Variants in ARHGAP42 observed in about 807,000 individuals in gnomAD.
ARHGAP42 encodes the protein rho GTPase-activating protein 42.
In ARHGAP42, 63 loss-of-function variants were observed where a neutral mutation model predicts 125.0. That is an observed-to-expected ratio of 0.50 (90% CI 0.41 to 0.62). The LOEUF (loss-of-function observed/expected upper bound fraction) is 0.62. Among genes scored for constraint, ARHGAP42 ranks in the 20% least tolerant of loss-of-function variants. The pLI is 0.00. For synonymous variants in ARHGAP42, 339 were observed against 351.0 expected, an observed-to-expected ratio of 0.97 and a Z score of 0.38; for missense variants, 766 against 1,024.2, an observed-to-expected ratio of 0.75 and a Z score of 3.44.
chr11:100,923,650 G>A (rs1228176204), intron 6 of ARHGAP42, among the ~76,000 whole-genome samples: 6 of 152,116 alleles, frequency 3.9e-5, no homozygotes, highest in Non-Finnish European at 8.8e-5. Flanking sequence ...CCTTTCAATT[G>A]AAATGTGTTT....
chr11:100,837,666 C>CTTTTTTTTTTT (rs373059302), intron 3 of ARHGAP42, among the ~76,000 whole-genome samples: 907 of 60,588 alleles, frequency 0.015, 127 homozygotes, highest in East Asian at 0.027. Flanking sequence ...AGGTGTCATC[C>CTTTTTTTTTTT]TTTTTTTTTT....
intron 6 of ARHGAP42, among the ~76,000 whole-genome samples, chr11:100,923,047 A>G (rs1867323350): frequency 6.6e-6 from 1 of 152,178 alleles, no homozygotes. Context: ...ATCTGATTAA[A>G]CTTTATATGA....
At chr11:100,793,079 A>G (rs1863609427) in intron 2 of ARHGAP42, among the ~76,000 whole-genome samples, 1 of 151,978 alleles carries the variant, frequency 6.6e-6, no homozygotes, top group Non-Finnish European at 1.5e-5. Context: ...TAAAAAACAT[A>G]CTTATTGTTA....
chr11:100,797,703 T>C (rs1189950625), intron 3 of ARHGAP42, among the ~76,000 whole-genome samples: 1 of 152,234 alleles, frequency 6.6e-6, no homozygotes, highest in East Asian at 1.9e-4. Context: ...ATTAGTGTTT[T>C]CATGTCTGTT....
chr11:100,827,518 G>A (rs1864549537), intron 3 of ARHGAP42, among the ~76,000 whole-genome samples: 1 of 152,182 alleles, frequency 6.6e-6, no homozygotes, highest in African/African-American at 2.4e-5. Flanking sequence ...AGGGCCTGTT[G>A]GTGAACCCAC....
chr11:100,701,885 G>T (rs1484032064), intron 1 of ARHGAP42, among the ~76,000 whole-genome samples: 1 of 151,844 alleles, frequency 6.6e-6, no homozygotes, highest in Non-Finnish European at 1.5e-5. Context: ...TTTCCTTCAA[G>T]AACTTTTCCT....
chr11:100,876,048 C>G (rs1865818221), intron 4 of ARHGAP42, among the ~76,000 whole-genome samples: 1 of 152,130 alleles, frequency 6.6e-6, no homozygotes, highest in East Asian at 1.9e-4. Flanking sequence ...TCACCACTCA[C>G]TGGACTAAGA....
rs562952424 is a variant in ARHGAP42, at chr11:100,904,492, CCG to C, written c.385-8958_385-8957del. Among the ~76,000 whole-genome samples the C allele has an allele frequency of 3.2e-3, 490 of 152,274 alleles. 2 individuals carry two copies. Among genetic ancestry groups the C allele is most frequent in the African/African-American group, 0.011 (456 of 41,562 alleles). On this transcript the variant is annotated intron_variant, in intron 4 of 23. Coordinates refer to ENST00000298815, the MANE Select transcript of ARHGAP42 (RefSeq NM_152432.4). ...GAACTCCTGACCTCAGATGATCCAC[CCG>C]CCTCGGCCTCCCAAAGTGCTGGGAT...
chr11:100,768,327 G>A (rs61890763), intron 1 of ARHGAP42, among the ~76,000 whole-genome samples: 39,480 of 151,890 alleles, frequency 0.26, 5,370 homozygotes, highest in Non-Finnish European at 0.3. Flanking sequence ...AGACATCGAC[G>A]GTAGTAGGAT....
At chr11:100,766,374 A>ATT (rs1183093985) in intron 1 of ARHGAP42, among the ~76,000 whole-genome samples, 1 of 152,186 alleles carries the variant, frequency 6.6e-6, no homozygotes, top group African/African-American at 2.4e-5. Context: ...TTCATTTTAT[A>ATT]TTTAAGAGAA....
At chr11:100,824,386 A>G (rs1864467375) in intron 3 of ARHGAP42, among the ~76,000 whole-genome samples, 1 of 152,274 alleles carries the variant, frequency 6.6e-6, no homozygotes, top group Admixed American at 6.5e-5. Context: ...AGTCCTTTCA[A>G]CTAGAAAGGG....
At chr11:100,787,983 A>G (rs1298269145) in intron 2 of ARHGAP42, among the ~76,000 whole-genome samples, 5 of 151,926 alleles carry the variant, frequency 3.3e-5, no homozygotes, top group East Asian at 3.9e-4. Flanking sequence ...GATGCCCCTA[A>G]CCCTATGCAG....
chr11:100,783,817 T>C (rs1428697852), intron 2 of ARHGAP42, among the ~76,000 whole-genome samples: 2 of 152,238 alleles, frequency 1.3e-5, no homozygotes, highest in African/African-American at 2.4e-5. Flanking sequence ...ATGTGGACTT[T>C]GGATTCCCTA....
intron 4 of ARHGAP42, among the ~76,000 whole-genome samples, chr11:100,905,443 C>G (rs1051562408): frequency 6.6e-6 from 1 of 152,148 alleles, no homozygotes; most frequent in Non-Finnish European, 1.5e-5. Context: ...GTAGCACAAC[C>G]ACTACTACTT....
chr11:100,866,357 C>T (rs187668168), intron 4 of ARHGAP42, among the ~76,000 whole-genome samples: 268 of 152,248 alleles, frequency 1.8e-3, no homozygotes, highest in African/African-American at 6.1e-3. Flanking sequence ...GAATCATAAA[C>T]GTTGTCAATG....
intron 3 of ARHGAP42, among the ~76,000 whole-genome samples, chr11:100,816,315 T>G (rs1198900953): frequency 3.3e-5 from 5 of 151,898 alleles, no homozygotes; most frequent in African/African-American, 1.2e-4. Context: ...TAACACTTGT[T>G]TTTTTGTTTT....
intron 4 of ARHGAP42, among the ~76,000 whole-genome samples, chr11:100,899,192 C>T (rs536721390): frequency 8.1e-4 from 124 of 152,290 alleles, no homozygotes; most frequent in African/African-American, 2.9e-3. Context: ...TTCAATTGCA[C>T]TGTGGTCTGA....
chr11:100,915,859 C>T (rs142237858), intron 5 of ARHGAP42, among the ~76,000 whole-genome samples: 2 of 152,128 alleles, frequency 1.3e-5, no homozygotes, highest in South Asian at 2.1e-4. Flanking sequence ...TGGGTTCCCC[C>T]CTCCCTTCGC....
chr11:100,910,524 C>T (rs1401597504), intron 4 of ARHGAP42, among the ~76,000 whole-genome samples: 1 of 152,004 alleles, frequency 6.6e-6, no homozygotes, highest in Non-Finnish European at 1.5e-5. Context: ...CATTTAGGAA[C>T]AATTCATGGG....
Sources: allele counts gnomAD v4.1 joint callset (sites outside exome capture counted in the v4.1 genomes callset), GRCh38; gene constraint gnomAD v4.1.1; transcripts MANE v1.5; gene names NCBI Gene and HGNC (gene_info 2026-07-23, HGNC 2026-07-21).